Variants in ZNF446 observed in about 807,000 individuals in gnomAD.
The protein encoded by ZNF446 is zinc finger protein with KRAB and SCAN domains 20.
A neutral mutation model predicts 34.0 loss-of-function variants in ZNF446; 42 were observed. The ratio of observed to expected loss-of-function variants is 1.23; its 90% CI spans 0.96 to 1.60. ZNF446 has a LOEUF of 1.60. Ranked by LOEUF, ZNF446 falls within the 40% of genes most tolerant of loss-of-function variation. The probability of loss-of-function intolerance (pLI) is 0.00; values close to 1 mark genes in which losing one functional copy is unlikely to be tolerated. For synonymous variants in ZNF446, 315 were observed against 251.0 expected (o/e 1.25, Z -2.41); for missense variants, 650 against 600.2 (o/e 1.08, Z -0.87).
In ZNF446 at chr19:58,477,308, AG is replaced by A; in HGVS notation, c.93del (p.Phe32SerfsTer69). 6.2e-7 allele frequency: 1 copy of A among 1,613,030 alleles called. No homozygotes were observed. The highest frequency in any genetic ancestry group is 8.5e-7 in the Non-Finnish European group (1 of 1,179,908). On this transcript the variant is annotated frameshift_variant, in exon 2 of 7. Coordinates refer to ENST00000594369, the MANE Select transcript of ZNF446 (RefSeq NM_017908.4). LOFTEE classifies it high-confidence loss of function. Reference sequence around the variant, plus strand: ...CTGAGACTGCCCGCCTCCGCTTCCGAGGGTTCTGCTACCAGGAGGTGGCAGG... The same window carrying A: ...CTGAGACTGCCCGCCTCCGCTTCCGAGGTTCTGCTACCAGGAGGTGGCAGG... ...EPETARLRFR[G>X]FCYQEVAGPR...
At chr19:58,477,155 A>G (rs1488715568) in intron 1 of ZNF446, 24 bp from the exon 2 acceptor site, 1 of 1,425,082 alleles carries the variant, frequency 7.0e-7, no homozygotes, top group Non-Finnish European at 9.4e-7. Context: ...CTTGGCTGAC[A>G]TTCCGACCCT....
Position 58,477,375 on chromosome 19 carries a change from C to T in ZNF446, c.157C>T (p.Gln53Ter), listed in dbSNP as rs749869699. 3 of 1,613,362 alleles carry T rather than the reference C, an allele frequency of 1.9e-6. No homozygotes were observed. The highest frequency in any genetic ancestry group is 1.3e-5 in the African/African-American group (1 of 75,020). The change falls in exon 2 of 7, where the codon CAG becomes TAG. Residue 53 changes from glutamine to a stop codon, truncating the protein, a stop_gained. Transcript: ENST00000594369. LOFTEE classifies it high-confidence loss of function. ...GGCCCGGCTGCGTGAGCTGTGTTGC[C>T]AGTGGCTGCAGCCTGAGGCACACTC... Reference protein sequence around the residue: ...ALARLRELCCQWLQPEAHSKE... With the variant: ...ALARLRELCC
intron 1 of ZNF446, among the ~76,000 whole-genome samples, chr19:58,476,813 C>G (rs1298583454): frequency 3.3e-5 from 5 of 152,152 alleles, no homozygotes; most frequent in Non-Finnish European, 1.5e-5. Flanking sequence ...GTCCACTCTC[C>G]TCGCACCTCG....
chr19:58,477,243 T>G lies in ZNF446; in HGVS notation c.25T>G (p.Cys9Gly). 6.3e-7 allele frequency: 1 copy of G among 1,589,154 alleles called. No individual in the cohort carries two copies. The highest frequency in any genetic ancestry group is 8.6e-7 in the Non-Finnish European group (1 of 1,165,206). The change falls in exon 2 of 7, where the codon TGC (cysteine) becomes GGC (glycine). Residue 9 changes from cysteine to glycine, a missense_variant. Transcript: ENST00000594369. ...AATGCCATCCCCTCTGGGTCCCCCA[T>G]GCCTGCCCGTCATGGACCCAGAGAC... is the stretch of plus-strand genomic sequence containing the variant. Reference protein sequence around the residue: MPSPLGPPCLPVMDPETTL... With the variant: MPSPLGPPGLPVMDPETTL...
chr19:58,482,045 C>T (rs1044647322), downstream of ZNF446, among the ~76,000 whole-genome samples: 4 of 152,298 alleles, frequency 2.6e-5, no homozygotes, highest in Admixed American at 1.3e-4. Context: ...CCACCCACCT[C>T]GGCCTCCCAA....
At chr19:58,477,966 C>T in intron 3 of ZNF446, 121 bp from the exon 4 acceptor site, 2 of 1,317,408 alleles carry the variant, frequency 1.5e-6, no homozygotes, top group Non-Finnish European at 2.1e-6. Flanking sequence ...GGGATGGGGA[C>T]CTGGGAGGCA....
At chr19:58,486,384 C>T in the ZNF446 span, among the ~76,000 whole-genome samples, 3 of 151,248 alleles carry the variant, frequency 2.0e-5, no homozygotes, top group African/African-American at 4.9e-5. Context: ...CATTCCTGGC[C>T]CACACTCAGC....
At chr19:58,486,122 C>G (rs1236393133), downstream of ZNF446, among the ~76,000 whole-genome samples, 15 of 111,348 alleles carry the variant, frequency 1.3e-4, no homozygotes, top group Admixed American at 5.0e-4. Flanking sequence ...GAGATGGAGT[C>G]TTACTCTGTC....
At chr19:58,484,906 A>C (rs562051152), downstream of ZNF446, among the ~76,000 whole-genome samples, 8 of 151,662 alleles carry the variant, frequency 5.3e-5, no homozygotes, top group Non-Finnish European at 1.2e-4. Flanking sequence ...AAAAATACAA[A>C]AATTAGCCAG....
downstream of ZNF446, among the ~76,000 whole-genome samples, chr19:58,482,550 G>A (rs1423670862): frequency 6.6e-6 from 1 of 152,212 alleles, no homozygotes; most frequent in Non-Finnish European, 1.5e-5. Flanking sequence ...TGCACAAGTC[G>A]CAGGTGGATG....
chr19:58,485,139 G>GA (rs960401970), downstream of ZNF446, among the ~76,000 whole-genome samples: 8 of 151,688 alleles, frequency 5.3e-5, no homozygotes, highest in Admixed American at 5.3e-4. Context: ...AGACAATTTG[G>GA]AAAAAACGAC....
At chr19:58,479,554 T>C in intron 4 of ZNF446, 89 bp from the exon 5 acceptor site, 1 of 1,428,938 alleles carries the variant, frequency 7.0e-7, no homozygotes, top group Non-Finnish European at 9.6e-7. Flanking sequence ...GGTAACCTGC[T>C]GACTCTTCCG....
rs1485309233 is a variant in ZNF446 at position 58,481,224 on chromosome 19, C to T, written c.*498C>T. ...AGAATTTTAACATAAATTCCACTTT[C>T]ATAATATGGAGTTTCTGAATAAGAA... On this transcript the variant is annotated 3_prime_UTR_variant, in exon 7 of 7. Coordinates refer to ENST00000594369, the MANE Select transcript of ZNF446 (RefSeq NM_017908.4). 6.4e-6 allele frequency: 1 copy of T among 157,194 alleles called. No individual in the cohort carries two copies. Among genetic ancestry groups the T allele is most frequent in the Non-Finnish European group, 1.4e-5 (1 of 71,168 alleles). The allele number at this position is 157,194 out of a possible 1,614,324, so 9.7% of individuals were successfully genotyped here.
rs1427446238 is a variant in ZNF446 at position 58,477,711 on chromosome 19, C to T, written c.417C>T (p.His139=). The change falls in exon 3 of 7, where the codon CAC becomes CAT. Residue 139 remains histidine (H), a synonymous_variant. Coordinates refer to ENST00000594369, the MANE Select transcript of ZNF446 (RefSeq NM_017908.4). ...QKTEEPLGSP[H]PSGTVESPGE... ...CAGAGGAACCACTTGGGAGCCCCCA[C>T]CCCTCAGGGACAGTGGAGTCCCCTG... The T allele has an allele frequency of 6.2e-7, 1 of 1,613,896 alleles. No individual in the cohort carries two copies.
chr19:58,486,468 G>T, the ZNF446 span, among the ~76,000 whole-genome samples: 1 of 146,316 alleles, frequency 6.8e-6, no homozygotes, highest in Admixed American at 6.8e-5. Flanking sequence ...AGTGCAATGG[G>T]GTAATCTCGG....
the ZNF446 span, among the ~76,000 whole-genome samples, chr19:58,486,776 T>G: frequency 6.6e-6 from 1 of 151,654 alleles, no homozygotes; most frequent in East Asian, 2.0e-4. Context: ...AGTAAAAATT[T>G]TATGACCTCA....
chr19:58,478,285 C>T, intron 4 of ZNF446, 104 bp downstream of exon 4: 2 of 1,042,038 alleles, frequency 1.9e-6, no homozygotes, highest in Admixed American at 5.4e-5. Context: ...ACTAGTGGCT[C>T]TTTGCTTCCC....
chr19:58,477,399 T>C lies in ZNF446; in HGVS notation c.181T>C (p.Ser61Pro). The C allele has an allele frequency of 6.2e-7, 1 of 1,613,268 alleles. No homozygotes were observed. The highest frequency in any genetic ancestry group is 1.3e-5 in the African/African-American group (1 of 74,970). The change falls in exon 2 of 7, where the codon TCC becomes CCC. Residue 61 changes from serine to proline, a missense_variant. Ser to Pro is a moderately conservative substitution (Grantham distance 74, BLOSUM62 -1). Transcript: ENST00000594369. The stretch of plus-strand genomic sequence containing the variant: ...CCAGTGGCTGCAGCCTGAGGCACAC[T>C]CCAAGGAGCAGATGCTGGAGATGCT... ...CCQWLQPEAH[S>P]KEQMLEMLVL... is the part of the protein sequence containing the mutation.
downstream of ZNF446, among the ~76,000 whole-genome samples, chr19:58,484,293 AAC>A (rs1491098037): frequency 2.0e-4 from 29 of 143,122 alleles, no homozygotes; most frequent in East Asian, 6.1e-4. Context: ...AAAAAAAAAA[AAC>A]ACACAATTAA....
Sources: gnomAD v4.1 joint callset for allele counts (sites outside exome capture counted in the v4.1 genomes callset) on GRCh38, gnomAD v4.1.1 for gene constraint, MANE v1.5 for transcripts, NCBI Gene and HGNC (gene_info 2026-07-23, HGNC 2026-07-21) for gene names.